Variants in XIRP2 observed in about 807,000 individuals in gnomAD.
XIRP2 encodes the protein xin actin-binding repeat-containing protein 2.
In XIRP2, 236 loss-of-function variants were observed where a neutral mutation model predicts 277.0. The observed-to-expected ratio is 0.85, with a 90% confidence interval of 0.77 to 0.95. The LOEUF (loss-of-function observed/expected upper bound fraction) is 0.95, where lower values mean the gene tolerates loss of function less well. XIRP2 is among the 40% of genes least tolerant of loss of function. The pLI is 0.00. For missense variants in XIRP2, 4,640 were observed against 4,157.5 expected, an observed-to-expected ratio of 1.12 and a Z score of -3.19; for synonymous variants, 1,490 against 1,416.5, an observed-to-expected ratio of 1.05 and a Z score of -1.17.
intron 2 of XIRP2, among the ~76,000 whole-genome samples, chr2:166,929,514 T>C (rs1314338772): frequency 6.6e-6 from 1 of 152,148 alleles, no homozygotes; most frequent in Non-Finnish European, 1.5e-5. Context: ...CCAAAAGTTG[T>C]AGTATTGTGA....
intron 3 of XIRP2, among the ~76,000 whole-genome samples, chr2:167,189,601 C>T (rs1156360813): frequency 1.2e-4 from 18 of 152,170 alleles, no homozygotes; most frequent in South Asian, 2.1e-4. Context: ...CCTCACAGAA[C>T]GGTTACTTCA....
chr2:167,011,867 T>G (rs1448203378), intron 2 of XIRP2, among the ~76,000 whole-genome samples: 1 of 152,098 alleles, frequency 6.6e-6, no homozygotes, highest in African/African-American at 2.4e-5. Context: ...CGAAGAGGTG[T>G]TTGTAGTATT....
chr2:167,017,534 G>C (rs1411406040), intron 2 of XIRP2, among the ~76,000 whole-genome samples: 1 of 151,804 alleles, frequency 6.6e-6, no homozygotes, highest in Non-Finnish European at 1.5e-5. Flanking sequence ...CCATATTTTT[G>C]TAGTTCAATG....
At chr2:167,071,129 C>G (rs1218440379) in intron 2 of XIRP2, among the ~76,000 whole-genome samples, 2 of 152,138 alleles carry the variant, frequency 1.3e-5, no homozygotes, top group Non-Finnish European at 2.9e-5. Flanking sequence ...TATTAGCACT[C>G]TCCTAAGACT....
intron 3 of XIRP2, among the ~76,000 whole-genome samples, chr2:167,194,587 T>G (rs1197842344): frequency 5.3e-5 from 8 of 152,110 alleles, no homozygotes; most frequent in Admixed American, 5.2e-4. Context: ...CATCATCTCC[T>G]AGAGCCAGAA....
chr2:167,036,666 G>A (rs1364931901), intron 2 of XIRP2, among the ~76,000 whole-genome samples: 1 of 152,122 alleles, frequency 6.6e-6, no homozygotes, highest in Non-Finnish European at 1.5e-5. Flanking sequence ...TCGGGGGAGT[G>A]TTGGGAAAGC....
At chr2:167,072,693 T>G (rs543378887) in intron 2 of XIRP2, among the ~76,000 whole-genome samples, 2 of 152,312 alleles carry the variant, frequency 1.3e-5, no homozygotes, top group East Asian at 3.9e-4. Flanking sequence ...GACTTGTACA[T>G]GAACCTGGCT....
At chr2:167,238,289 T>C (rs1573984854) in intron 5 of XIRP2, among the ~76,000 whole-genome samples, 1 of 152,074 alleles carries the variant, frequency 6.6e-6, no homozygotes, top group East Asian at 1.9e-4. Context: ...GCATTCTGCT[T>C]GGAAAAAAAA....
chr2:166,999,284 A>G (rs1302774165), intron 2 of XIRP2, among the ~76,000 whole-genome samples: 3 of 152,154 alleles, frequency 2.0e-5, no homozygotes, highest in East Asian at 1.9e-4. Flanking sequence ...ATCTCAAACC[A>G]TGGCAGTCTG....
intron 3 of XIRP2, among the ~76,000 whole-genome samples, chr2:167,154,168 A>G (rs1423125828): frequency 6.7e-6 from 1 of 149,488 alleles, no homozygotes; most frequent in Non-Finnish European, 1.5e-5. Flanking sequence ...AGTGATGGTG[A>G]GCATTTTTTC....
chr2:166,988,422 C>T (rs897706261), intron 2 of XIRP2, among the ~76,000 whole-genome samples: 7 of 151,832 alleles, frequency 4.6e-5, no homozygotes, highest in Non-Finnish European at 8.8e-5. Context: ...TGATCCTGGG[C>T]CAGAAAAAAA....
intron 3 of XIRP2, among the ~76,000 whole-genome samples, chr2:167,162,761 T>G (rs73019981): frequency 0.099 from 15,044 of 152,252 alleles, 796 homozygotes; most frequent in South Asian, 0.15. Flanking sequence ...ATTCCCATCT[T>G]TGTTGACATC....
chr2:166,913,992 C>A (rs1321275414), intron 2 of XIRP2, among the ~76,000 whole-genome samples: 1 of 152,286 alleles, frequency 6.6e-6, no homozygotes, highest in East Asian at 1.9e-4. Context: ...TTCTACTCCC[C>A]AGAGCATACA....
At chr2:167,197,963 A>G (rs886577327) in intron 3 of XIRP2, among the ~76,000 whole-genome samples, 2 of 152,218 alleles carry the variant, frequency 1.3e-5, no homozygotes. Flanking sequence ...TTTGCCCTTT[A>G]AAAACAGGAG....
intron 3 of XIRP2, among the ~76,000 whole-genome samples, chr2:167,160,591 A>G (rs930672504): frequency 1.3e-5 from 2 of 152,150 alleles, no homozygotes; most frequent in Admixed American, 6.5e-5. Context: ...TTTTAAAACC[A>G]TCAGATCTCG....
chr2:167,154,847 A>G (rs1463407100), intron 3 of XIRP2, among the ~76,000 whole-genome samples: 1 of 152,164 alleles, frequency 6.6e-6, no homozygotes, highest in South Asian at 2.1e-4. Context: ...ATAGACAGCT[A>G]GCAAGACTAA....
At chr2:167,018,946 AT>A (rs923831982) in intron 2 of XIRP2, among the ~76,000 whole-genome samples, 4 of 151,330 alleles carry the variant, frequency 2.6e-5, no homozygotes, top group East Asian at 2.0e-4. Context: ...GAAGGCAGGG[AT>A]TTTTTTTTCT....
At chr2:167,027,999 A>G (rs904034003) in intron 2 of XIRP2, among the ~76,000 whole-genome samples, 1 of 152,082 alleles carries the variant, frequency 6.6e-6, no homozygotes, top group Non-Finnish European at 1.5e-5. Context: ...ACAAATGGAT[A>G]CAACTCCTCT....
intron 2 of XIRP2, among the ~76,000 whole-genome samples, chr2:166,948,503 T>A (rs1254031567): frequency 1.3e-5 from 2 of 152,114 alleles, no homozygotes; most frequent in Middle Eastern, 3.2e-3. Context: ...ACCCACTTTA[T>A]GTACCTCAGA....
Sources: allele counts gnomAD v4.1 joint callset (sites outside exome capture counted in the v4.1 genomes callset), GRCh38; gene constraint gnomAD v4.1.1; transcripts MANE v1.5; gene names NCBI Gene and HGNC (gene_info 2026-07-23, HGNC 2026-07-21).